Variants in CLGN observed in about 807,000 individuals in gnomAD.
The protein encoded by CLGN is calmegin.
Under a neutral mutation model 79.1 loss-of-function variants are expected in CLGN, and 62 were observed. The ratio of observed to expected loss-of-function variants is 0.78; its 90% CI spans 0.64 to 0.97. CLGN has a LOEUF of 0.97. CLGN is among the 50% of genes least tolerant of loss of function. CLGN has a pLI of 0.00. For missense variants in CLGN, 647 were observed against 715.5 expected (o/e 0.90, Z 1.09); for synonymous variants, 225 against 224.7 (o/e 1.00, Z -0.01).
chr4:140,420,128 A>G (rs1177287305), intron 1 of CLGN, among the ~76,000 whole-genome samples: 5 of 150,732 alleles, frequency 3.3e-5, no homozygotes, highest in Non-Finnish European at 4.4e-5. Context: ...TAATTTGTTG[A>G]AAAAAAAACA....
intron 11 of CLGN, among the ~76,000 whole-genome samples, 176 bp downstream of exon 11, chr4:140,393,650 G>A (rs1417406944): frequency 6.6e-6 from 1 of 152,066 alleles, no homozygotes; most frequent in Non-Finnish European, 1.5e-5. Flanking sequence ...TCATAATGAA[G>A]TAACATAAAA....
At chr4:140,409,438 A>T (rs369068817) in intron 4 of CLGN, among the ~76,000 whole-genome samples, 13 of 152,164 alleles carry the variant, frequency 8.5e-5, no homozygotes, top group African/African-American at 2.9e-4. Flanking sequence ...TGTAGCTCTC[A>T]TTAGCTATCT....
chr4:140,398,704 T>C, intron 8 of CLGN, 147 bp downstream of exon 8: 1 of 605,224 alleles, frequency 1.7e-6, no homozygotes, highest in Non-Finnish European at 2.7e-6. Flanking sequence ...GTAAAATCCA[T>C]TTTAGAAAAT....
At chr4:140,398,686 A>T (rs769944190) in intron 8 of CLGN, among the ~76,000 whole-genome samples, 165 bp downstream of exon 8, 3 of 152,200 alleles carry the variant, frequency 2.0e-5, no homozygotes, top group Non-Finnish European at 4.4e-5. Flanking sequence ...AATTACAGGG[A>T]GGGAAGTGTA....
intron 8 of CLGN, 65 bp from the exon 9 acceptor site, chr4:140,396,270 A>C: frequency 8.2e-7 from 1 of 1,220,238 alleles, no homozygotes; most frequent in Non-Finnish European, 1.2e-6. Flanking sequence ...TTACAACACT[A>C]AGAAGGTACC....
intron 13 of CLGN, among the ~76,000 whole-genome samples, chr4:140,391,239 TG>T (rs962257502): frequency 2.6e-5 from 4 of 151,768 alleles, no homozygotes; most frequent in Admixed American, 2.6e-4. Context: ...GAATGGGCTT[TG>T]GGGAAAGGGA....
intron 1 of CLGN, among the ~76,000 whole-genome samples, chr4:140,421,715 T>A (rs1729473146): frequency 6.6e-6 from 1 of 152,192 alleles, no homozygotes; most frequent in Admixed American, 6.5e-5. Flanking sequence ...TTATCAAATA[T>A]ATGATTGGCA....
intron 1 of CLGN, 141 bp from the exon 2 acceptor site, chr4:140,413,228 T>A (rs746906099): frequency 2.2e-5 from 14 of 650,200 alleles, no homozygotes; most frequent in African/African-American, 7.5e-5. Context: ...CAAAATTATT[T>A]AAATTGTGCT....
chr4:140,408,511 A>C (rs776636305), intron 4 of CLGN, among the ~76,000 whole-genome samples: 42 of 152,084 alleles, frequency 2.8e-4, no homozygotes, highest in Non-Finnish European at 3.4e-4. Context: ...AAAGTAGGCA[A>C]ATGACATAAA....
intron 2 of CLGN, among the ~76,000 whole-genome samples, chr4:140,411,193 T>C (rs1729204079): frequency 6.6e-6 from 1 of 152,058 alleles, no homozygotes; most frequent in African/African-American, 2.4e-5. Flanking sequence ...TTGCTGATGA[T>C]ATAGTGGCTC....
intron 4 of CLGN, among the ~76,000 whole-genome samples, chr4:140,409,072 A>ACATCCAACATGCTATCTGTTTTG (rs1167869003): frequency 1.3e-5 from 2 of 151,996 alleles, no homozygotes; most frequent in African/African-American, 4.8e-5. Flanking sequence ...CAGACAGCTG[A>ACATCCAACATGCTATCTGTTTTG]CATCCAACAT....
intron 1 of CLGN, among the ~76,000 whole-genome samples, chr4:140,425,329 C>T (rs192196004): frequency 5.3e-5 from 8 of 152,108 alleles, no homozygotes; most frequent in South Asian, 2.1e-4. Flanking sequence ...TGGTTGAAAA[C>T]GGCAAAATTC....
chr4:140,403,182 A>C (rs1322536964), intron 5 of CLGN, among the ~76,000 whole-genome samples: 1 of 152,180 alleles, frequency 6.6e-6, no homozygotes, highest in Admixed American at 6.5e-5. Context: ...TTAAAGTCAA[A>C]ATGACCTGAG....
At chr4:140,424,486 G>A (rs948707034) in intron 1 of CLGN, among the ~76,000 whole-genome samples, 76 of 152,146 alleles carry the variant, frequency 5.0e-4, no homozygotes, top group African/African-American at 1.8e-3. Context: ...TTCTGCTATT[G>A]TTGGGTACAG....
intron 1 of CLGN, among the ~76,000 whole-genome samples, chr4:140,416,569 C>T (rs1729336844): frequency 6.6e-6 from 1 of 151,576 alleles, no homozygotes; most frequent in South Asian, 2.1e-4. Context: ...ATACTACAAA[C>T]ACCTCTACAC....
Position 140,410,595 on chromosome 4 carries a change from TCTC to T in CLGN, c.173_175del (p.Gly58del), listed in dbSNP as rs762516634. On this transcript the variant is annotated inframe_deletion, in exon 3 of 15. Coordinates refer to ENST00000325617, the MANE Select transcript of CLGN (RefSeq NM_004362.3). ...ATCAAAAGTTTCTGCAAAATATACT[TCTC>T]CTATAGGTTGAGGTGTCTTATATTT... The T allele has an allele frequency of 2.5e-6, 4 of 1,602,738 alleles. No homozygotes were observed. The South Asian group carries it at 4.4e-5, about 18-fold the overall frequency.
Position 140,396,191 on chromosome 4 carries a change from G to T in CLGN, c.899C>A (p.Pro300His), listed in dbSNP as rs1728870939. ...AACACTTGAATCTTCTATTTGGGCAGGTTCACTTTCATCCCTGTAAATACA... is the reference window on the plus strand; with the variant it reads ...AACACTTGAATCTTCTATTTGGGCATGTTCACTTTCATCCCTGTAAATACA... ...VKPEDWDESE[P>H]AQIEDSSVVK... The change falls in exon 9 of 15, where the codon CCT becomes CAT. Residue 300 changes from proline (P) to histidine (H), a missense_variant. Physicochemically the swap from Pro to His is moderately conservative, Grantham distance 77. Transcript: ENST00000325617. 20 of 1,613,916 alleles carry T rather than the reference G, an allele frequency of 1.2e-5. No homozygotes were observed. The highest frequency in any genetic ancestry group is 1.7e-5 in the Non-Finnish European group (20 of 1,179,864).
intron 3 of CLGN, 38 bp from the exon 4 acceptor site, chr4:140,409,933 A>G (rs550232155): frequency 7.1e-7 from 1 of 1,416,314 alleles, no homozygotes; most frequent in South Asian, 1.2e-5. Flanking sequence ...TGTCATTGAC[A>G]ATAAAAGCAG....
intron 1 of CLGN, among the ~76,000 whole-genome samples, chr4:140,418,855 A>G (rs1380876308): frequency 6.6e-6 from 1 of 152,156 alleles, no homozygotes; most frequent in Non-Finnish European, 1.5e-5. Flanking sequence ...ATTACTGGGT[A>G]TATACCCAAA....
Sources: allele counts gnomAD v4.1 joint callset (sites outside exome capture counted in the v4.1 genomes callset), GRCh38; gene constraint gnomAD v4.1.1; transcripts MANE v1.5; gene names NCBI Gene and HGNC (gene_info 2026-07-23, HGNC 2026-07-21).